Variants in SPOCK3 observed in about 807,000 individuals in gnomAD.
SPOCK3 encodes testican-3.
SPOCK3 carries 30 observed loss-of-function variants against 56.6 expected under a neutral mutation model. The ratio of observed to expected loss-of-function variants is 0.53; its 90% confidence interval spans 0.40 to 0.72. The LOEUF (loss-of-function observed/expected upper bound fraction) is 0.72, where lower values mean the gene tolerates loss of function less well. Among genes scored for constraint, SPOCK3 ranks in the 30% least tolerant of loss-of-function variants. SPOCK3 has a pLI of 0.00. For synonymous variants in SPOCK3, 196 were observed against 183.3 expected (o/e 1.07, Z -0.56); for missense variants, 527 against 530.0 (o/e 0.99, Z 0.06).
intron 2 of SPOCK3, among the ~76,000 whole-genome samples, chr4:167,114,994 T>C (rs1228184026): frequency 6.6e-6 from 1 of 152,028 alleles, no homozygotes; most frequent in African/African-American, 2.4e-5. Flanking sequence ...TAAAATAATA[T>C]GCTTAGAAAA....
rs143436306 is a variant in SPOCK3 at position 166,827,611 on chromosome 4, T to G, written c.590-35322A>C. Among the ~76,000 whole-genome samples, 43 of 152,176 alleles carry G rather than the reference T, an allele frequency of 2.8e-4. No homozygotes were observed. The East Asian group carries it at 8.3e-3, about 29-fold the overall frequency. ...GCTCAGGTCAGTATTCAGAGAAAAG[T>G]ACAGCAAAAACAACTATAACAGCAT... On this transcript the variant is annotated intron_variant, in intron 6 of 10. Coordinates refer to ENST00000357545, the MANE Select transcript of SPOCK3 (RefSeq NM_001040159.2).
At chr4:166,825,840 A>G (rs1047768778) in intron 6 of SPOCK3, among the ~76,000 whole-genome samples, 3 of 152,070 alleles carry the variant, frequency 2.0e-5, no homozygotes, top group Non-Finnish European at 4.4e-5. Flanking sequence ...GAGCTAAGCT[A>G]TAAGGATGCA....
At chr4:166,841,860 C>G (rs775890644) in intron 6 of SPOCK3, among the ~76,000 whole-genome samples, 3 of 152,162 alleles carry the variant, frequency 2.0e-5, no homozygotes, top group Admixed American at 6.5e-5. Flanking sequence ...CTTGGTTGCA[C>G]TGACTTCAAG....
intron 5 of SPOCK3, among the ~76,000 whole-genome samples, chr4:166,911,590 T>C (rs1474350792): frequency 1.3e-5 from 2 of 152,156 alleles, no homozygotes; most frequent in East Asian, 3.9e-4. Context: ...CAGGCTGGAG[T>C]ACAATGGCGC....
intron 3 of SPOCK3, among the ~76,000 whole-genome samples, chr4:167,039,422 C>A (rs1047222039): frequency 6.6e-6 from 1 of 152,118 alleles, no homozygotes. Context: ...GACAATAACA[C>A]TTAAAATCAA....
intron 6 of SPOCK3, among the ~76,000 whole-genome samples, chr4:166,844,685 T>A (rs1206204122): frequency 6.6e-6 from 1 of 152,224 alleles, no homozygotes; most frequent in Non-Finnish European, 1.5e-5. Context: ...TAGATAGATG[T>A]AGATATAGAT....
chr4:166,783,046 A>G (rs1353627740), intron 7 of SPOCK3, among the ~76,000 whole-genome samples: 1 of 152,192 alleles, frequency 6.6e-6, no homozygotes, highest in Non-Finnish European at 1.5e-5. Context: ...TTCTGTAAGT[A>G]CATATCTTTG....
chr4:167,092,026 T>C (rs1758746347), intron 2 of SPOCK3, among the ~76,000 whole-genome samples: 1 of 152,164 alleles, frequency 6.6e-6, no homozygotes, highest in Admixed American at 6.5e-5. Context: ...GGAACAGCTC[T>C]GGTCTGTAGC....
Position 166,886,430 on chromosome 4 carries a change from T to C in SPOCK3, c.589+2700A>G, listed in dbSNP as rs77038874. Among the ~76,000 whole-genome samples the C allele has an allele frequency of 4.4e-3, 669 of 152,262 alleles. 2 individuals are homozygous for C. Among genetic ancestry groups the C allele is most frequent in the Non-Finnish European group, 7.9e-3 (534 of 67,980 alleles). On this transcript the variant is annotated intron_variant, in intron 6 of 10. Coordinates refer to ENST00000357545, the MANE Select transcript of SPOCK3 (RefSeq NM_001040159.2). ...TGAAGGGTGTATGCTTATCTACTTATGTAAAGTCAGAATCTAGGGTTTAAA... is the reference window on the plus strand; with the variant it reads ...TGAAGGGTGTATGCTTATCTACTTACGTAAAGTCAGAATCTAGGGTTTAAA...
intron 4 of SPOCK3, among the ~76,000 whole-genome samples, chr4:166,948,069 T>G (rs10005354): frequency 0.16 from 24,203 of 152,110 alleles, 2,771 homozygotes; most frequent in African/African-American, 0.33. Flanking sequence ...TACTCTCCTA[T>G]GGGCTCAACT....
chr4:167,157,674 T>C (rs935717133), intron 2 of SPOCK3, among the ~76,000 whole-genome samples: 10 of 151,754 alleles, frequency 6.6e-5, no homozygotes, highest in Non-Finnish European at 1.3e-4. Flanking sequence ...CTTTTTAATG[T>C]AACAGTAAAC....
intron 2 of SPOCK3, among the ~76,000 whole-genome samples, chr4:167,146,680 T>C (rs1347987401): frequency 2.6e-5 from 4 of 151,998 alleles, no homozygotes; most frequent in Non-Finnish European, 5.9e-5. Flanking sequence ...CACAAACACA[T>C]GGAAACTGAA....
chr4:166,977,648 TA>T (rs771373144), intron 4 of SPOCK3, among the ~76,000 whole-genome samples: 3 of 152,076 alleles, frequency 2.0e-5, no homozygotes, highest in Admixed American at 6.5e-5. Flanking sequence ...TTTTCAAGGA[TA>T]TTTGGAGGAT....
chr4:167,170,284 T>C (rs1194512398), intron 2 of SPOCK3, among the ~76,000 whole-genome samples: 1 of 152,114 alleles, frequency 6.6e-6, no homozygotes, highest in Non-Finnish European at 1.5e-5. Context: ...AACTTGAACT[T>C]TATCTACTCT....
chr4:167,134,898 CTGTT>C (rs1320580714), intron 2 of SPOCK3, among the ~76,000 whole-genome samples: 1 of 151,898 alleles, frequency 6.6e-6, no homozygotes, highest in Admixed American at 6.6e-5. Flanking sequence ...GTCAATAAGA[CTGTT>C]TTCTTAGTGC....
In SPOCK3 at chr4:166,841,033, C is replaced by T. The variant is rs368432808; in HGVS notation, c.589+48097G>A. 3.8e-3 allele frequency among the ~76,000 whole-genome samples: 584 copies of T among 152,130 alleles called. 2 individuals carry two copies. The highest frequency in any genetic ancestry group is 0.013 in the African/African-American group (543 of 41,498). The stretch of plus-strand genomic sequence containing the variant: ...GACCTCATGATCCGCCAGCCTCAGC[C>T]TCCCAAAGAGCTAGGATTACAGGCG... On this transcript the variant is annotated intron_variant, in intron 6 of 10. Coordinates refer to ENST00000357545, the MANE Select transcript of SPOCK3 (RefSeq NM_001040159.2).
chr4:167,141,657 A>G (rs1763540344), intron 2 of SPOCK3, among the ~76,000 whole-genome samples: 3 of 151,998 alleles, frequency 2.0e-5, no homozygotes, highest in Non-Finnish European at 2.9e-5. Context: ...ACACCTCCAG[A>G]AAGTAGAGCA....
At chr4:167,215,730 G>T (rs532538357) in intron 2 of SPOCK3, among the ~76,000 whole-genome samples, 38 of 152,238 alleles carry the variant, frequency 2.5e-4, no homozygotes, top group African/African-American at 9.1e-4. Context: ...GTTGATGTTT[G>T]AATAGAAAGC....
At chr4:167,014,465 G>A (rs1309212441) in intron 3 of SPOCK3, among the ~76,000 whole-genome samples, 2 of 151,864 alleles carry the variant, frequency 1.3e-5, no homozygotes, top group Non-Finnish European at 2.9e-5. Context: ...GGGCAACAAG[G>A]TGAGACTCCG....
Sources: allele counts gnomAD v4.1 joint callset (sites outside exome capture counted in the v4.1 genomes callset), GRCh38; gene constraint gnomAD v4.1.1; transcripts MANE v1.5; gene names NCBI Gene and HGNC (gene_info 2026-07-23, HGNC 2026-07-21).